CRB1: variants seen among roughly 807,000 people sequenced by gnomAD.
The protein encoded by CRB1 is protein crumbs homolog 1.
A neutral mutation model predicts 120.0 loss-of-function variants in CRB1; 83 were observed. That is an observed-to-expected ratio of 0.69 (90% confidence interval 0.58 to 0.83). CRB1 has a LOEUF of 0.83. Ranked by LOEUF, CRB1 falls within the 40% of genes least tolerant of loss-of-function variation. The pLI is 0.00. For synonymous variants in CRB1, 625 were observed against 612.5 expected (o/e 1.02, Z -0.30); for missense variants, 1,699 against 1,687.6 (o/e 1.01, Z -0.12).
intron 9 of CRB1, among the ~76,000 whole-genome samples, chr1:197,437,074 G>A (rs149039852): frequency 4.5e-4 from 68 of 152,070 alleles, no homozygotes; most frequent in East Asian, 4.2e-3. Flanking sequence ...AACTTACACC[G>A]CTTTAAATTT....
In CRB1 at chr1:197,427,694, A is replaced by T. The variant is rs1664663183; in HGVS notation, c.2369A>T (p.Asp790Val). The T allele has an allele frequency of 6.2e-7, 1 of 1,613,806 alleles. No individual in the cohort carries two copies. Among genetic ancestry groups the T allele is most frequent in the South Asian group, 1.1e-5 (1 of 91,082 alleles). ...TTAGTAGTAAAATTTGTTCTTAATG[A>T]TGGAAATGTCCACTTGATATCTTTG... ...PKLVVKFVLN[D>V]GNVHLISLKI... The change falls in exon 7 of 12, where the codon GAT (aspartate) becomes GTT (valine). Residue 790 changes from aspartate (D) to valine (V), a missense_variant. Transcript: ENST00000367400.
the CRB1 span, among the ~76,000 whole-genome samples, chr1:197,217,916 C>T: frequency 2.6e-5 from 4 of 152,106 alleles, no homozygotes; most frequent in African/African-American, 9.7e-5. Flanking sequence ...GCCCATAGGG[C>T]ATGATCACAT....
chr1:197,469,291 C>T (rs1307897851), intron 11 of CRB1, among the ~76,000 whole-genome samples: 1 of 152,146 alleles, frequency 6.6e-6, no homozygotes, highest in Non-Finnish European at 1.5e-5. Context: ...ATAGTTCGTT[C>T]CCACGACTTC....
chr1:197,227,002 CAT>C, the CRB1 span, among the ~76,000 whole-genome samples: 2 of 152,198 alleles, frequency 1.3e-5, no homozygotes, highest in African/African-American at 4.8e-5. Context: ...CCTCCCACAA[CAT>C]GTGGGAATTA....
chr1:197,442,634 T>TAAC, intron 11 of CRB1: 1 of 942,060 alleles, frequency 1.1e-6, no homozygotes, highest in South Asian at 2.0e-5. Flanking sequence ...GTTCTTAATA[T>TAAC]AACTAGAAAT....
At chr1:197,349,197 A>G (rs966394276) in intron 4 of CRB1, among the ~76,000 whole-genome samples, 26 of 152,230 alleles carry the variant, frequency 1.7e-4, no homozygotes, top group African/African-American at 6.3e-4. Context: ...GTACAGTAAC[A>G]TGCTGTACAG....
chr1:197,297,147 A>G (rs1656573903), intron 1 of CRB1, among the ~76,000 whole-genome samples: 1 of 151,738 alleles, frequency 6.6e-6, no homozygotes, highest in African/African-American at 2.4e-5. Context: ...ATCTTGTGGC[A>G]TGGGTCATCT....
intron 5 of CRB1, among the ~76,000 whole-genome samples, chr1:197,374,239 A>T (rs1175385676): frequency 6.6e-6 from 1 of 152,152 alleles, no homozygotes; most frequent in Non-Finnish European, 1.5e-5. Context: ...TAGGGGTTAT[A>T]GCAACAGCCA....
chr1:197,459,659 G>A (rs1243327736), intron 11 of CRB1, among the ~76,000 whole-genome samples: 1 of 152,034 alleles, frequency 6.6e-6, no homozygotes, highest in East Asian at 1.9e-4. Context: ...AATGAAATCT[G>A]GGAGGACATA....
At chr1:197,298,152 GAA>G (rs1656648592) in intron 1 of CRB1, among the ~76,000 whole-genome samples, 1 of 152,096 alleles carries the variant, frequency 6.6e-6, no homozygotes, top group Non-Finnish European at 1.5e-5. Context: ...GCAAAAATGT[GAA>G]CATGCTTACA....
At chr1:197,427,243 G>A (rs2125482908) in intron 6 of CRB1, among the ~76,000 whole-genome samples, 1 of 152,232 alleles carries the variant, frequency 6.6e-6, no homozygotes, top group African/African-American at 2.4e-5. Context: ...AGTTATTTTA[G>A]GGTTAAAGTA....
the CRB1 span, among the ~76,000 whole-genome samples, chr1:197,205,848 A>T: frequency 6.7e-6 from 1 of 149,952 alleles, no homozygotes; most frequent in African/African-American, 2.4e-5. Flanking sequence ...TCAATGTCTG[A>T]TAGAATTCAG....
chr1:197,372,080 C>G (rs1016003505), intron 5 of CRB1, among the ~76,000 whole-genome samples: 4 of 152,090 alleles, frequency 2.6e-5, no homozygotes, highest in African/African-American at 9.7e-5. Context: ...ATGTGACTGA[C>G]AGAGACTGGG....
At chr1:197,252,598 G>A in the CRB1 span, among the ~76,000 whole-genome samples, 3 of 117,912 alleles carry the variant, frequency 2.5e-5, no homozygotes, top group African/African-American at 6.0e-5. Flanking sequence ...GTGTGTGTGT[G>A]TGTGTGTGTG....
At chr1:197,353,374 A>G (rs764932943) in intron 4 of CRB1, among the ~76,000 whole-genome samples, 3 of 152,188 alleles carry the variant, frequency 2.0e-5, no homozygotes, top group Non-Finnish European at 4.4e-5. Flanking sequence ...AAGTTGTTGA[A>G]TGATTTTAAA....
intron 5 of CRB1, chr1:197,358,051 A>G (rs1398472959): frequency 6.6e-6 from 1 of 152,202 alleles, no homozygotes; most frequent in Admixed American, 6.5e-5. Context: ...AACTGATTAA[A>G]TGCATGAAAT....
intron 4 of CRB1, among the ~76,000 whole-genome samples, chr1:197,348,695 C>T (rs1226546188): frequency 6.6e-6 from 1 of 152,006 alleles, no homozygotes; most frequent in Non-Finnish European, 1.5e-5. Context: ...CCAGGATGGG[C>T]TCAATCTCCT....
chr1:197,284,599 C>CG (rs1655717642), intron 1 of CRB1, among the ~76,000 whole-genome samples: 1 of 151,842 alleles, frequency 6.6e-6, no homozygotes, highest in Admixed American at 6.6e-5. Flanking sequence ...AGGTAAATAT[C>CG]TAACTATTCC....
chr1:197,263,042 C>T, the CRB1 span, among the ~76,000 whole-genome samples: 1 of 152,074 alleles, frequency 6.6e-6, no homozygotes, highest in Middle Eastern at 3.2e-3. Flanking sequence ...TGGGTATATA[C>T]CCAGAAATGG....
Sources: allele counts gnomAD v4.1 joint callset (sites outside exome capture counted in the v4.1 genomes callset), GRCh38; gene constraint gnomAD v4.1.1; transcripts MANE v1.5; gene names NCBI Gene and HGNC (gene_info 2026-07-23, HGNC 2026-07-21).